MCPH1: variants seen among roughly 807,000 people sequenced by gnomAD.
MCPH1 encodes the protein microcephalin.
Under a neutral mutation model 84.5 loss-of-function variants are expected in MCPH1, and 104 were observed. That is an observed-to-expected ratio of 1.23 (90% CI 1.05 to 1.45). The LOEUF is 1.45. MCPH1 is among the 40% of genes most tolerant of loss of function. MCPH1 has a pLI of 0.00. For missense variants in MCPH1, 1,498 were observed against 1,005.7 expected (o/e 1.49, Z -6.62); for synonymous variants, 514 against 366.8 (o/e 1.40, Z -4.58).
intron 2 of MCPH1, among the ~76,000 whole-genome samples, chr8:6,413,343 C>T (rs1798801774): frequency 6.6e-6 from 1 of 151,758 alleles, no homozygotes; most frequent in Admixed American, 6.6e-5. Context: ...TCCCTTTCGC[C>T]AACCATGCTG....
chr8:6,635,647 C>T (rs1797492181), intron 13 of MCPH1, among the ~76,000 whole-genome samples: 1 of 152,146 alleles, frequency 6.6e-6, no homozygotes, highest in African/African-American at 2.4e-5. Flanking sequence ...ACTTTGTGTA[C>T]ACTGAACCAA....
intron 1 of MCPH1, 112 bp from the exon 2 acceptor site, chr8:6,409,167 T>G: frequency 1.1e-6 from 1 of 880,500 alleles, no homozygotes; most frequent in Non-Finnish European, 1.9e-6. Context: ...ATTACAGGCG[T>G]GAGCCACTGT....
At chr8:6,550,549 C>T (rs1334736430) in intron 12 of MCPH1, among the ~76,000 whole-genome samples, 2 of 152,188 alleles carry the variant, frequency 1.3e-5, no homozygotes, top group African/African-American at 2.4e-5. Context: ...CACATTTGTT[C>T]CCACTCGGGG....
At chr8:6,630,739 C>A (rs931989616) in intron 13 of MCPH1, among the ~76,000 whole-genome samples, 2 of 149,734 alleles carry the variant, frequency 1.3e-5, no homozygotes, top group Admixed American at 6.6e-5. Flanking sequence ...CGAGACTGTG[C>A]CATTGCACTC....
At chr8:6,521,437 G>A in intron 12 of MCPH1, 1 of 1,471,602 alleles carries the variant, frequency 6.8e-7, no homozygotes, top group South Asian at 1.2e-5. Context: ...TTGTTAGTTA[G>A]TGAAGGCTAT....
chr8:6,465,182 A>G (rs2916734), intron 9 of MCPH1, among the ~76,000 whole-genome samples: 44,734 of 152,072 alleles, frequency 0.29, 8,398 homozygotes, highest in African/African-American at 0.52. Flanking sequence ...GAAATATCCA[A>G]TTAATCTGTT....
chr8:6,477,349 T>G (rs542178950), intron 9 of MCPH1: 22 of 471,120 alleles, frequency 4.7e-5, no homozygotes, highest in African/African-American at 3.4e-4. Flanking sequence ...GGGGGAAATT[T>G]TTTTGTTTTG....
chr8:6,633,249 C>T (rs1797297777), intron 13 of MCPH1, among the ~76,000 whole-genome samples: 1 of 152,096 alleles, frequency 6.6e-6, no homozygotes, highest in Non-Finnish European at 1.5e-5. Flanking sequence ...GGAAGGGACA[C>T]ATTTTGTTTG....
intron 12 of MCPH1, among the ~76,000 whole-genome samples, chr8:6,527,983 C>T (rs1484078552): frequency 1.3e-5 from 2 of 150,086 alleles, no homozygotes; most frequent in Non-Finnish European, 3.0e-5. Flanking sequence ...GCAACCTCCG[C>T]CTCCCGGGTT....
At chr8:6,548,607 T>G (rs757403700) in intron 12 of MCPH1, among the ~76,000 whole-genome samples, 1 of 152,160 alleles carries the variant, frequency 6.6e-6, no homozygotes, top group African/African-American at 2.4e-5. Context: ...GTACACCTGA[T>G]GGATTTTTGT....
At chr8:6,497,630 T>C (rs935038361) in intron 11 of MCPH1, among the ~76,000 whole-genome samples, 2 of 152,212 alleles carry the variant, frequency 1.3e-5, no homozygotes, top group Non-Finnish European at 2.9e-5. Context: ...CTTTGGGTGA[T>C]AATGATGTGT....
intron 12 of MCPH1, among the ~76,000 whole-genome samples, chr8:6,568,407 C>G (rs1199579355): frequency 6.6e-6 from 1 of 152,142 alleles, no homozygotes; most frequent in Non-Finnish European, 1.5e-5. Flanking sequence ...AAAAAGGATG[C>G]TAAGTCAGCA....
intron 12 of MCPH1, among the ~76,000 whole-genome samples, chr8:6,541,287 G>A (rs1249391579): frequency 6.6e-6 from 1 of 152,164 alleles, no homozygotes; most frequent in Non-Finnish European, 1.5e-5. Context: ...GAAAGTCAGT[G>A]CCCACCCCAA....
At chr8:6,600,365 C>T (rs1445687495) in intron 12 of MCPH1, among the ~76,000 whole-genome samples, 1 of 152,236 alleles carries the variant, frequency 6.6e-6, no homozygotes, top group East Asian at 1.9e-4. Flanking sequence ...CTGTAGCCCT[C>T]AGCGCACAGG....
chr8:6,457,897 G>T (rs544172178), intron 9 of MCPH1, among the ~76,000 whole-genome samples: 1 of 152,084 alleles, frequency 6.6e-6, no homozygotes, highest in Non-Finnish European at 1.5e-5. Flanking sequence ...TTCCTGACTG[G>T]GCTGCGCATT....
intron 12 of MCPH1, among the ~76,000 whole-genome samples, chr8:6,524,508 A>G (rs2129570087): frequency 6.6e-6 from 1 of 152,360 alleles, no homozygotes; most frequent in Middle Eastern, 3.4e-3. Context: ...AACCGAAAGC[A>G]TGTGAAATTG....
In MCPH1 at chr8:6,495,639, TTATAA is replaced by T. The variant is rs1474568133; in HGVS notation, c.2137-4210_2137-4206del. Among the ~76,000 whole-genome samples, 6 of 152,346 alleles carry T rather than the reference TTATAA, an allele frequency of 3.9e-5. No individual in the cohort carries two copies. The East Asian group carries it at 7.7e-4, about 20-fold the overall frequency. Reference sequence around the variant, plus strand: ...TTAATAATTATTACTTTTGTTACGCTTATAATAAATAATGTGTTTCTACACCTTCC... The same window carrying T: ...TTAATAATTATTACTTTTGTTACGCTTAAATAATGTGTTTCTACACCTTCC... On this transcript the variant is annotated intron_variant, in intron 11 of 13. Coordinates refer to ENST00000344683, the MANE Select transcript of MCPH1 (RefSeq NM_024596.5).
intron 12 of MCPH1, among the ~76,000 whole-genome samples, chr8:6,598,404 G>A (rs977109528): frequency 6.6e-6 from 1 of 152,152 alleles, no homozygotes; most frequent in African/African-American, 2.4e-5. Flanking sequence ...GCCGGCGACC[G>A]GCCAGAGTGC....
At chr8:6,538,084 A>C (rs540792540) in intron 12 of MCPH1, among the ~76,000 whole-genome samples, 2 of 152,242 alleles carry the variant, frequency 1.3e-5, no homozygotes, top group African/African-American at 4.8e-5. Flanking sequence ...GGATTTTGCA[A>C]CCATCTCTCA....
Sources: gnomAD v4.1 joint callset for allele counts (sites outside exome capture counted in the v4.1 genomes callset) on GRCh38, gnomAD v4.1.1 for gene constraint, MANE v1.5 for transcripts, NCBI Gene and HGNC (gene_info 2026-07-23, HGNC 2026-07-21) for gene names.